FOXO1: variants seen among roughly 807,000 people sequenced by gnomAD.
The protein encoded by FOXO1 is forkhead box O1.
A neutral mutation model predicts 44.1 loss-of-function variants in FOXO1; 6 were observed. That is an observed-to-expected ratio of 0.14 (90% CI 0.07 to 0.27). The LOEUF is 0.27. FOXO1 is among the 10% of genes least tolerant of loss of function. The probability of loss-of-function intolerance (pLI) is 1.00; values close to 1 mark genes in which losing one functional copy is unlikely to be tolerated. For synonymous variants in FOXO1, 380 were observed against 362.7 expected (o/e 1.05, Z -0.54); for missense variants, 737 against 888.8 (o/e 0.83, Z 2.17).
rs569344506 is a variant in FOXO1, at chr13:40,656,943, G to A, written c.630+8640C>T. ...CCTCCTGGATTCACACCATTCTCCCGCCTCAGCCTCCCGAGTAGCTGTGAC... is the reference window on the plus strand; with the variant it reads ...CCTCCTGGATTCACACCATTCTCCCACCTCAGCCTCCCGAGTAGCTGTGAC... On this transcript the variant is annotated intron_variant, in intron 1 of 2. Coordinates refer to ENST00000379561, the MANE Select transcript of FOXO1 (RefSeq NM_002015.4). Among the ~76,000 whole-genome samples the A allele has an allele frequency of 5.9e-5, 9 of 151,364 alleles. No individual in the cohort carries two copies. In the East Asian group the frequency reaches 1.4e-3, roughly 23 times the overall value.
At chr13:40,592,960 A>T (rs1875439729) in intron 1 of FOXO1, among the ~76,000 whole-genome samples, 1 of 152,214 alleles carries the variant, frequency 6.6e-6, no homozygotes, top group Non-Finnish European at 1.5e-5. Flanking sequence ...TTATGTTTAT[A>T]ACACCATTAA....
chr13:40,633,591 G>T (rs993727359), intron 1 of FOXO1, among the ~76,000 whole-genome samples: 2 of 152,142 alleles, frequency 1.3e-5, no homozygotes, highest in Non-Finnish European at 1.5e-5. Context: ...AACACAGAGA[G>T]TAAATGCAGG....
rs189365202 is a variant in FOXO1, at chr13:40,653,668, A to C, written c.630+11915T>G. 3.9e-5 allele frequency among the ~76,000 whole-genome samples: 6 copies of C among 152,292 alleles called. No homozygotes were observed. In the East Asian group the frequency reaches 9.7e-4, roughly 24 times the overall value. On this transcript the variant is annotated intron_variant, in intron 1 of 2. Transcript: ENST00000379561. ...ATTAATCATGCGCATTGGCTTTTTT[A>C]CTGCAGTTACAAAATACAACCACAG...
At chr13:40,663,631 G>A (rs898221393) in intron 1 of FOXO1, among the ~76,000 whole-genome samples, 1 of 152,168 alleles carries the variant, frequency 6.6e-6, no homozygotes, top group African/African-American at 2.4e-5. Context: ...AACAAGATTT[G>A]GCAGACAATT....
chr13:40,600,837 C>G (rs1336783726), intron 1 of FOXO1, among the ~76,000 whole-genome samples: 1 of 152,102 alleles, frequency 6.6e-6, no homozygotes, highest in Non-Finnish European at 1.5e-5. Context: ...AAATTTATGT[C>G]CAAATTGGAT....
chr13:40,567,727 T>C (rs1318770504), intron 1 of FOXO1, among the ~76,000 whole-genome samples: 1 of 152,078 alleles, frequency 6.6e-6, no homozygotes, highest in Non-Finnish European at 1.5e-5. Flanking sequence ...CCTGGCACTT[T>C]GGGAGGCTGA....
intron 1 of FOXO1, among the ~76,000 whole-genome samples, chr13:40,580,016 C>A (rs1055212686): frequency 5.3e-5 from 8 of 152,184 alleles, no homozygotes; most frequent in Non-Finnish European, 7.3e-5. Context: ...TTGATGAATA[C>A]AATAATGTTG....
intron 1 of FOXO1, among the ~76,000 whole-genome samples, chr13:40,587,006 C>G (rs1227127003): frequency 6.6e-6 from 1 of 152,170 alleles, no homozygotes; most frequent in Non-Finnish European, 1.5e-5. Flanking sequence ...AAAACTGCAT[C>G]TAGGACTGAA....
intron 1 of FOXO1, among the ~76,000 whole-genome samples, chr13:40,573,551 T>C (rs1874628140): frequency 1.3e-5 from 2 of 152,212 alleles, no homozygotes; most frequent in Non-Finnish European, 1.5e-5. Context: ...AACCTTACCA[T>C]ATGGACAGTG....
Position 40,635,980 on chromosome 13 carries a change from C to G in FOXO1, c.630+29603G>C, listed in dbSNP as rs1310955225. 4.6e-5 allele frequency among the ~76,000 whole-genome samples: 7 copies of G among 152,202 alleles called. No homozygotes were observed. In the South Asian group the frequency reaches 1.4e-3, roughly 31 times the overall value. ...ATCCCAGCCCTTTGGGAGGCTGAGG[C>G]AGGCGGATCACCTGAGGTCGGGAGT... On this transcript the variant is annotated intron_variant, in intron 1 of 2. Transcript: ENST00000379561.
intron 1 of FOXO1, chr13:40,562,656 G>A (rs954463654): frequency 2.0e-5 from 3 of 152,238 alleles, no homozygotes; most frequent in African/African-American, 7.2e-5. Context: ...AGTGTGGTAT[G>A]TATAGGAGCT....
At chr13:40,581,188 CT>C (rs932551300) in intron 1 of FOXO1, among the ~76,000 whole-genome samples, 1 of 152,132 alleles carries the variant, frequency 6.6e-6, no homozygotes, top group African/African-American at 2.4e-5. Flanking sequence ...CCTTAACCCC[CT>C]TTTTTGGAAA....
At chr13:40,640,785 GTTGTTGTTGTTGTT>G (rs527965040) in intron 1 of FOXO1, among the ~76,000 whole-genome samples, 9 of 120,600 alleles carry the variant, frequency 7.5e-5, no homozygotes, top group East Asian at 4.1e-4. Context: ...TGTTGTTGTT[GTTGTTGTTGTTGTT>G]TGAGACAGAG....
chr13:40,659,314 CAA>C (rs1210028542), intron 1 of FOXO1, among the ~76,000 whole-genome samples: 4 of 87,590 alleles, frequency 4.6e-5, no homozygotes, highest in Non-Finnish European at 7.0e-5. Context: ...GACTCCGTCT[CAA>C]AAAAAAAAAA....
chr13:40,664,337 A>C (rs1878144089), intron 1 of FOXO1, among the ~76,000 whole-genome samples: 1 of 152,102 alleles, frequency 6.6e-6, no homozygotes, highest in South Asian at 2.1e-4. Flanking sequence ...CACCGGTGAC[A>C]GTGAGAAACT....
chr13:40,565,216 G>A (rs1187837333), intron 1 of FOXO1, among the ~76,000 whole-genome samples: 1 of 152,140 alleles, frequency 6.6e-6, no homozygotes. Context: ...AACATTTACT[G>A]GAAACTATTT....
intron 1 of FOXO1, among the ~76,000 whole-genome samples, chr13:40,665,014 G>A (rs1297991867): frequency 6.6e-6 from 1 of 151,906 alleles, no homozygotes; most frequent in Non-Finnish European, 1.5e-5. Flanking sequence ...AAAGCAAAAT[G>A]CGCACCGCCT....
chr13:40,607,063 C>T (rs1876025342), intron 1 of FOXO1, among the ~76,000 whole-genome samples: 2 of 152,128 alleles, frequency 1.3e-5, no homozygotes, highest in African/African-American at 2.4e-5. Flanking sequence ...TCTATAAGCC[C>T]GCACATCTGC....
At chr13:40,613,744 G>A (rs1876318139) in intron 1 of FOXO1, among the ~76,000 whole-genome samples, 1 of 152,184 alleles carries the variant, frequency 6.6e-6, no homozygotes, top group African/African-American at 2.4e-5. Context: ...ACACAAGCGT[G>A]AGCCACACCA....
Sources: gnomAD v4.1 joint callset for allele counts (sites outside exome capture counted in the v4.1 genomes callset) on GRCh38, gnomAD v4.1.1 for gene constraint, MANE v1.5 for transcripts, NCBI Gene and HGNC (gene_info 2026-07-23, HGNC 2026-07-21) for gene names.